Variants in PALM2AKAP2 observed in about 807,000 individuals in gnomAD.
PALM2AKAP2 encodes PALM2-AKAP2 fusion protein.
PALM2AKAP2 carries 37 observed loss-of-function variants against 71.5 expected under a neutral mutation model. That is an observed-to-expected ratio of 0.52 (90% CI 0.40 to 0.68). The LOEUF (loss-of-function observed/expected upper bound fraction) is 0.68, where lower values mean the gene tolerates loss of function less well. Among genes scored for constraint, PALM2AKAP2 ranks in the 30% least tolerant of loss-of-function variants. The pLI is 0.00. For synonymous variants in PALM2AKAP2, 468 were observed against 478.8 expected, an observed-to-expected ratio of 0.98 and a Z score of 0.29; for missense variants, 1,224 against 1,191.8, an observed-to-expected ratio of 1.03 and a Z score of -0.40.
chr9:109,658,946 G>T (rs779475850), intron 1 of PALM2AKAP2, among the ~76,000 whole-genome samples: 10 of 152,114 alleles, frequency 6.6e-5, no homozygotes, highest in Non-Finnish European at 1.0e-4. Context: ...AAAAAATAAA[G>T]TTTAGTACAT....
chr9:109,727,989 T>C lies in PALM2AKAP2; in HGVS notation c.6-52499T>C, dbSNP rs1828499972. On this transcript the variant is annotated intron_variant, in intron 1 of 6. Transcript: ENST00000374531. ...AACCTCTTGGGCCTCCGCAAAGGGC[T>C]TTCTATTCAGGAATTCAAATACACA... Among the ~76,000 whole-genome samples, 3 of 152,316 alleles carry C rather than the reference T, an allele frequency of 2.0e-5. No homozygotes were observed. The South Asian group carries it at 6.2e-4, about 32-fold the overall frequency.
In PALM2AKAP2 at chr9:109,761,200, A is replaced by G. The variant is rs368188128; in HGVS notation, c.6-19288A>G. On this transcript the variant is annotated intron_variant, in intron 1 of 6. Coordinates refer to the PALM2AKAP2 transcript ENST00000374531. ...AAATCTAATCTTATGGCATTTTAAG[A>G]TGCTGACAAACCAACAGGGTATGTG... 3.9e-5 allele frequency among the ~76,000 whole-genome samples: 6 copies of G among 152,348 alleles called. 1 individual carries two copies. Among genetic ancestry groups the G allele is most frequent in the African/African-American group, 1.4e-4 (6 of 41,582 alleles).
rs1164956557 is a variant in PALM2AKAP2 at position 109,944,519 on chromosome 9, G to C, written c.496+12491G>C. 3.3e-5 allele frequency: 5 copies of C among 151,900 alleles called. No individual in the cohort carries two copies. In the East Asian group the frequency reaches 9.7e-4, roughly 29 times the overall value. 9.4% of individuals were successfully genotyped at this position (151,900 alleles called of 1,614,324 possible). ...CTTTTCTTTCTGGCCCCATGAGAAA[G>C]AGAATGTTTTAGGTAACTTCAACTT... is the stretch of plus-strand genomic sequence containing the variant. On this transcript the variant is annotated intron_variant, in intron 6 of 9. Transcript: ENST00000302798.
chr9:109,940,598 A>G (rs1161293588), intron 6 of PALM2AKAP2, among the ~76,000 whole-genome samples: 1 of 152,172 alleles, frequency 6.6e-6, no homozygotes, highest in Non-Finnish European at 1.5e-5. Context: ...GAACTTATTC[A>G]GAAAGAGGTA....
At chr9:109,702,773 A>C (rs1828082691) in intron 1 of PALM2AKAP2, among the ~76,000 whole-genome samples, 1 of 151,276 alleles carries the variant, frequency 6.6e-6, no homozygotes, top group Non-Finnish European at 1.5e-5. Context: ...AAAGAAAATA[A>C]ATCCTTGGGC....
At chr9:110,019,005 G>T (rs569816145) in intron 7 of PALM2AKAP2, among the ~76,000 whole-genome samples, 93 of 152,216 alleles carry the variant, frequency 6.1e-4, no homozygotes, top group African/African-American at 2.0e-3. Context: ...ACTTTGGGAG[G>T]CCAAGGTGGG....
intron 2 of PALM2AKAP2, among the ~76,000 whole-genome samples, chr9:110,143,546 C>G (rs537980774): frequency 1.3e-5 from 2 of 152,094 alleles, no homozygotes; most frequent in East Asian, 3.9e-4. Context: ...GGTGGGATAT[C>G]CAAACATTGT....
At chr9:109,712,684 C>T (rs914093248) in intron 1 of PALM2AKAP2, among the ~76,000 whole-genome samples, 4 of 152,204 alleles carry the variant, frequency 2.6e-5, no homozygotes, top group African/African-American at 9.6e-5. Context: ...TAGAAGGAGG[C>T]ACAGAGGCTT....
intron 1 of PALM2AKAP2, among the ~76,000 whole-genome samples, chr9:109,672,103 C>T (rs891469370): frequency 1.3e-5 from 2 of 152,104 alleles, no homozygotes; most frequent in South Asian, 4.1e-4. Context: ...ATTTCTTTCT[C>T]TTGCCTGATT....
intron 1 of PALM2AKAP2, among the ~76,000 whole-genome samples, chr9:110,059,588 A>T (rs1833917870): frequency 6.6e-6 from 1 of 152,176 alleles, no homozygotes; most frequent in Non-Finnish European, 1.5e-5. Flanking sequence ...TTTGCAAAGG[A>T]AATGTGGGGC....
At chr9:110,034,373 G>T (rs2132425650) in intron 7 of PALM2AKAP2, among the ~76,000 whole-genome samples, 1 of 152,170 alleles carries the variant, frequency 6.6e-6, no homozygotes, top group East Asian at 1.9e-4. Context: ...GTTCAGGCTG[G>T]CCTCAAACTC....
intron 3 of PALM2AKAP2, among the ~76,000 whole-genome samples, chr9:109,910,637 C>T (rs938924562): frequency 3.9e-5 from 6 of 152,176 alleles, no homozygotes; most frequent in Admixed American, 6.5e-5. Flanking sequence ...GTCCGCTGGA[C>T]GTGGCAGTCA....
At chr9:109,807,100 G>A (rs1052139806) in intron 1 of PALM2AKAP2, among the ~76,000 whole-genome samples, 22 of 151,344 alleles carry the variant, frequency 1.5e-4, no homozygotes, top group African/African-American at 5.4e-4. Context: ...TGATAGTATA[G>A]TTCAGGGGAT....
Position 110,073,686 on chromosome 9 carries a change from C to T in PALM2AKAP2, c.156+24831C>T, listed in dbSNP as rs929918006. 2.0e-5 allele frequency among the ~76,000 whole-genome samples: 3 copies of T among 152,256 alleles called. No homozygotes were observed. In the East Asian group the frequency reaches 5.8e-4, roughly 29 times the overall value. ...CTTTTGCAGATAAACATTAGATTTACCTTTGGCAAACTGCAGTGTCTACAT... is the reference window on the plus strand; with the variant it reads ...CTTTTGCAGATAAACATTAGATTTATCTTTGGCAAACTGCAGTGTCTACAT... On this transcript the variant is annotated intron_variant, in intron 1 of 3. Transcript: ENST00000374525.
At chr9:109,885,212 G>A (rs1829937674) in intron 3 of PALM2AKAP2, among the ~76,000 whole-genome samples, 1 of 152,120 alleles carries the variant, frequency 6.6e-6, no homozygotes, top group Non-Finnish European at 1.5e-5. Context: ...TTATAAATTG[G>A]TGGTGGTTTG....
intron 3 of PALM2AKAP2, among the ~76,000 whole-genome samples, chr9:109,921,096 T>C (rs1368720982): frequency 6.6e-6 from 1 of 152,184 alleles, no homozygotes; most frequent in Non-Finnish European, 1.5e-5. Flanking sequence ...TCTCCATAAA[T>C]TCTCTTTGCG....
intron 6 of PALM2AKAP2, among the ~76,000 whole-genome samples, chr9:109,991,431 G>T (rs577317905): frequency 6.6e-6 from 1 of 151,692 alleles, no homozygotes; most frequent in African/African-American, 2.4e-5. Flanking sequence ...CAGAGATGGG[G>T]CCTCCCTGTG....
At position 109,948,418 on chromosome 9, in the gene PALM2AKAP2, A is replaced by G. The variant is rs544215414; in HGVS notation, c.496+16390A>G. On this transcript the variant is annotated intron_variant, in intron 6 of 9. Transcript: ENST00000302798. ...TGTCGCACAAAAGAACTTGATTTCAATATGAAAATATAATATGTAATTTTG... is the reference window on the plus strand; with the variant it reads ...TGTCGCACAAAAGAACTTGATTTCAGTATGAAAATATAATATGTAATTTTG... 1.2e-4 allele frequency among the ~76,000 whole-genome samples: 18 copies of G among 152,326 alleles called. No individual in the cohort carries two copies. The South Asian group carries it at 3.7e-3, about 32-fold the overall frequency.
intron 1 of PALM2AKAP2, among the ~76,000 whole-genome samples, chr9:110,097,055 A>C (rs1044498807): frequency 6.8e-6 from 1 of 147,148 alleles, no homozygotes; most frequent in Non-Finnish European, 1.5e-5. Flanking sequence ...GCAGATAAAC[A>C]AGTGAACAAA....
Sources: allele counts gnomAD v4.1 joint callset (sites outside exome capture counted in the v4.1 genomes callset), GRCh38; gene constraint gnomAD v4.1.1; transcripts MANE v1.5; gene names NCBI Gene and HGNC (gene_info 2026-07-23, HGNC 2026-07-21).